The following IDE variants were observed in gnomAD, a reference collection of about 807,000 sequenced individuals.
IDE encodes insulin degrading enzyme.
A neutral mutation model predicts 133.2 loss-of-function variants in IDE; 58 were observed. The ratio of observed to expected loss-of-function variants is 0.44; its 90% CI spans 0.35 to 0.54. The LOEUF (loss-of-function observed/expected upper bound fraction) is 0.54. Ranked by LOEUF, IDE falls within the 20% of genes least tolerant of loss-of-function variation. The pLI, the probability that IDE is intolerant of heterozygous loss-of-function variation, is 0.00. For synonymous variants in IDE, 396 were observed against 421.3 expected, an observed-to-expected ratio of 0.94 and a Z score of 0.73; for missense variants, 981 against 1,234.0, an observed-to-expected ratio of 0.79 and a Z score of 3.07.
intron 10 of IDE, among the ~76,000 whole-genome samples, chr10:92,506,227 A>G (rs1031232998): frequency 6.6e-6 from 1 of 152,358 alleles, no homozygotes; most frequent in East Asian, 1.9e-4. Context: ...AGCAAAATGC[A>G]TATTTAATAA....
At chr10:92,557,408 C>T (rs182980460) in intron 1 of IDE, among the ~76,000 whole-genome samples, 2 of 152,046 alleles carry the variant, frequency 1.3e-5, no homozygotes, top group Admixed American at 6.6e-5. Flanking sequence ...TGGTGGCGGG[C>T]GCCTGTAGTC....
At chr10:92,501,071 A>C (rs974964358) in intron 11 of IDE, among the ~76,000 whole-genome samples, 5 of 150,622 alleles carry the variant, frequency 3.3e-5, no homozygotes, top group Middle Eastern at 3.2e-3. Flanking sequence ...GAAAAAAAGA[A>C]AAAAAAGGCC....
chr10:92,513,525 G>C (rs1418524361), intron 5 of IDE, among the ~76,000 whole-genome samples: 1 of 151,998 alleles, frequency 6.6e-6, no homozygotes, highest in Admixed American at 6.6e-5. Context: ...TTGTGGGGGG[G>C]ATATGTCTTG....
At chr10:92,490,197 C>T (rs1341437147) in intron 12 of IDE, among the ~76,000 whole-genome samples, 1 of 152,214 alleles carries the variant, frequency 6.6e-6, no homozygotes, top group Non-Finnish European at 1.5e-5. Context: ...CTACTTCCAT[C>T]GCTTCTTGCC....
chr10:92,540,599 G>T (rs1842252613), intron 1 of IDE, among the ~76,000 whole-genome samples: 1 of 152,154 alleles, frequency 6.6e-6, no homozygotes, highest in South Asian at 2.1e-4. Context: ...AATTTCCTCT[G>T]TGGTGCTTGA....
rs376146451 is a variant in IDE at position 92,473,322 on chromosome 10, A to C, written c.2116+1519T>G. On this transcript the variant is annotated intron_variant, in intron 17 of 24. Coordinates refer to ENST00000265986, the MANE Select transcript of IDE (RefSeq NM_004969.4). Reference sequence around the variant, plus strand: ...GTAATGTTGAGAAGTAAAAAATCTAAAACAATAATAAAGGGTGATACCAAT... The same window carrying C: ...GTAATGTTGAGAAGTAAAAAATCTACAACAATAATAAAGGGTGATACCAAT... Among the ~76,000 whole-genome samples the C allele has an allele frequency of 5.9e-5, 9 of 152,244 alleles. No homozygotes were observed. In the East Asian group the frequency reaches 1.7e-3, roughly 29 times the overall value.
intron 1 of IDE, among the ~76,000 whole-genome samples, chr10:92,544,292 CATTT>C (rs1408109163): frequency 6.6e-6 from 1 of 151,836 alleles, no homozygotes; most frequent in Non-Finnish European, 1.5e-5. Flanking sequence ...CAATCACTCT[CATTT>C]TTTTAAAGTG....
chr10:92,465,207 CT>C (rs1441212288), intron 20 of IDE, among the ~76,000 whole-genome samples: 2 of 152,100 alleles, frequency 1.3e-5, no homozygotes, highest in Admixed American at 1.3e-4. Flanking sequence ...AGCTTCTTTC[CT>C]CATTGATCAA....
At chr10:92,476,036 CA>C in intron 15 of IDE, 42 bp from the exon 16 acceptor site, 1 of 740,718 alleles carries the variant, frequency 1.4e-6, no homozygotes, top group Non-Finnish European at 2.2e-6. Context: ...AAAAATATCA[CA>C]AAACAACTTC....
At chr10:92,535,539 T>C (rs1841953826) in intron 2 of IDE, among the ~76,000 whole-genome samples, 1 of 152,170 alleles carries the variant, frequency 6.6e-6, no homozygotes, top group Admixed American at 6.5e-5. Flanking sequence ...ACTCAATCGC[T>C]TCAATATATA....
intron 11 of IDE, chr10:92,497,707 A>G (rs1847789672): frequency 2.0e-6 from 2 of 984,562 alleles, no homozygotes; most frequent in Non-Finnish European, 2.4e-6. Context: ...GCAGCTGGCA[A>G]TATTATCCCA....
rs71028821 is a variant in IDE, at chr10:92,458,490, G to GTTTTTTTTTTT, written c.2824-2070_2824-2060dup. The stretch of plus-strand genomic sequence containing the variant: ...AGGCCTGGTTATAAATACTCTCTCT[G>GTTTTTTTTTTT]TTTTTTTTTTTTTTTTTTTTTTTTT... On this transcript the variant is annotated intron_variant, in intron 22 of 24. Transcript: ENST00000265986. 1.2e-4 allele frequency among the ~76,000 whole-genome samples: 10 copies of GTTTTTTTTTTT among 83,884 alleles called. 1 individual carries two copies. Among genetic ancestry groups the GTTTTTTTTTTT allele is most frequent in the Non-Finnish European group, 2.0e-4 (9 of 44,920 alleles). 55.0% of individuals were successfully genotyped at this position (83,884 alleles called of 152,430 possible). A position where few individuals can be genotyped will look rare whatever the true frequency, so the allele number is the denominator to read the frequency against.
At chr10:92,467,004 G>C (rs1012168599) in intron 19 of IDE, among the ~76,000 whole-genome samples, 1 of 151,952 alleles carries the variant, frequency 6.6e-6, no homozygotes, top group Non-Finnish European at 1.5e-5. Context: ...CTGGGTGACA[G>C]AGTAAGACTC....
At chr10:92,548,345 G>C (rs1842619876) in intron 1 of IDE, among the ~76,000 whole-genome samples, 1 of 75,878 alleles carries the variant, frequency 1.3e-5, no homozygotes, top group Non-Finnish European at 2.3e-5. Context: ...GGCAACAAGA[G>C]CAAAACTCCA....
intron 10 of IDE, 87 bp downstream of exon 10, chr10:92,506,355 A>T: frequency 1.6e-6 from 1 of 607,276 alleles, no homozygotes; most frequent in Non-Finnish European, 2.9e-6. Context: ...CTTCAATTGT[A>T]ATCATTCACT....
intron 1 of IDE, among the ~76,000 whole-genome samples, chr10:92,539,103 C>T (rs534714102): frequency 6.6e-6 from 1 of 152,106 alleles, no homozygotes; most frequent in South Asian, 2.1e-4. Context: ...TCTGAAATCA[C>T]CTATAACTAT....
chr10:92,487,164 C>T (rs770386849), intron 13 of IDE, 32 bp downstream of exon 13: 7 of 1,595,486 alleles, frequency 4.4e-6, no homozygotes, highest in Non-Finnish European at 5.1e-6. Context: ...GTCTGTCCCC[C>T]AAATTTAAAA....
intron 1 of IDE, among the ~76,000 whole-genome samples, chr10:92,558,314 A>G (rs1221509938): frequency 6.6e-6 from 1 of 152,180 alleles, no homozygotes; most frequent in Non-Finnish European, 1.5e-5. Context: ...TCGGCCTCCC[A>G]AAGTGCTAGG....
At chr10:92,475,300 A>C (rs976364973) in intron 16 of IDE, among the ~76,000 whole-genome samples, 3 of 152,238 alleles carry the variant, frequency 2.0e-5, no homozygotes, top group Non-Finnish European at 4.4e-5. Flanking sequence ...AGCCATCCCC[A>C]AAGTCTCCAT....
Sources: allele counts gnomAD v4.1 joint callset (sites outside exome capture counted in the v4.1 genomes callset), GRCh38; gene constraint gnomAD v4.1.1; transcripts MANE v1.5; gene names NCBI Gene and HGNC (gene_info 2026-07-23, HGNC 2026-07-21).